Variants in FGGY observed in about 807,000 individuals in gnomAD.
FGGY encodes the protein FGGY carbohydrate kinase domain-containing protein.
A neutral mutation model predicts 71.3 loss-of-function variants in FGGY; 72 were observed. The observed-to-expected ratio is 1.01, with a 90% CI of 0.84 to 1.23. The LOEUF is 1.23. Among genes scored for constraint, FGGY ranks in the 50% most tolerant of loss-of-function variants. FGGY has a pLI of 0.00. For missense variants in FGGY, 668 were observed against 682.3 expected (o/e 0.98, Z 0.23); for synonymous variants, 251 against 250.3 (o/e 1.00, Z -0.02).
intron 7 of FGGY, among the ~76,000 whole-genome samples, chr1:59,533,763 T>A (rs1260179232): frequency 6.6e-6 from 1 of 152,118 alleles, no homozygotes. Context: ...GACCTGCAGC[T>A]GAGGGTCCTG....
At chr1:59,597,157 G>A (rs2096532652) in intron 8 of FGGY, among the ~76,000 whole-genome samples, 1 of 152,170 alleles carries the variant, frequency 6.6e-6, no homozygotes, top group South Asian at 2.1e-4. Context: ...GATTCTTCAG[G>A]TCTAGACTTG....
intron 6 of FGGY, among the ~76,000 whole-genome samples, chr1:59,463,386 A>G (rs1279110459): frequency 1.3e-5 from 2 of 152,326 alleles, no homozygotes; most frequent in Non-Finnish European, 2.9e-5. Flanking sequence ...AGGAACAACC[A>G]GTACCAGCCA....
At chr1:59,355,498 G>T (rs911032335) in intron 4 of FGGY, among the ~76,000 whole-genome samples, 1 of 151,970 alleles carries the variant, frequency 6.6e-6, no homozygotes, top group South Asian at 2.1e-4. Context: ...TTCAAAGCTT[G>T]TAGTCATAGC....
At chr1:59,657,865 G>C (rs2097235803) in intron 11 of FGGY, among the ~76,000 whole-genome samples, 1 of 152,190 alleles carries the variant, frequency 6.6e-6, no homozygotes, top group South Asian at 2.1e-4. Context: ...CATGGAGCAA[G>C]TAACTAAAAG....
At chr1:59,482,251 T>A (rs1356465462) in intron 6 of FGGY, among the ~76,000 whole-genome samples, 1 of 152,150 alleles carries the variant, frequency 6.6e-6, no homozygotes, top group Non-Finnish European at 1.5e-5. Flanking sequence ...AGTCCTCTTT[T>A]AGTGGCTTAG....
chr1:59,542,032 G>C (rs1006348312), intron 7 of FGGY, among the ~76,000 whole-genome samples: 1 of 152,236 alleles, frequency 6.6e-6, no homozygotes, highest in Non-Finnish European at 1.5e-5. Flanking sequence ...GATGATAACA[G>C]CTAAGCCATT....
At chr1:59,551,240 G>A (rs1488808672) in intron 7 of FGGY, among the ~76,000 whole-genome samples, 4 of 152,142 alleles carry the variant, frequency 2.6e-5, no homozygotes, top group Non-Finnish European at 5.9e-5. Flanking sequence ...AGATCCTTCT[G>A]TCTCCAAATT....
chr1:59,667,329 C>G lies in FGGY; in HGVS notation c.1343C>G (p.Ser448Ter), dbSNP rs1288440386. The G allele has an allele frequency of 6.2e-7, 1 of 1,614,162 alleles. No homozygotes were observed. Among genetic ancestry groups the G allele is most frequent in the African/African-American group, 1.3e-5 (1 of 75,050 alleles). The change falls in exon 13 of 16, where the codon TCA becomes TGA. Residue 448 changes from serine (S) to a stop codon, truncating the protein, a stop_gained. Coordinates refer to ENST00000303721, the MANE Select transcript of FGGY (RefSeq NM_018291.5). LOFTEE classifies it high-confidence loss of function. ...IIEAMEAAGHSISTLFLCGGL... is the reference protein window; with the variant it reads ...IIEAMEAAGH ...GAAGCCATGGAGGCAGCAGGGCACT[C>G]AATCAGTACTCTTTTCCTATGTGGA...
chr1:59,457,020 GT>G lies in FGGY; in HGVS notation c.617del (p.Phe206SerfsTer4). The G allele has an allele frequency of 6.2e-7, 1 of 1,614,136 alleles. No individual in the cohort carries two copies. The highest frequency in any genetic ancestry group is 8.5e-7 in the Non-Finnish European group (1 of 1,179,998). On this transcript the variant is annotated frameshift_variant, in exon 6 of 16. Coordinates refer to ENST00000303721, the MANE Select transcript of FGGY (RefSeq NM_018291.5). LOFTEE classifies it high-confidence loss of function. Reference sequence around the variant, plus strand: ...TCAGCAGAGAAAGGCTGGGACGACAGTTTCTGGAAAATGATTGGTTTGGAAG... The same window carrying G: ...TCAGCAGAGAAAGGCTGGGACGACAGTTCTGGAAAATGATTGGTTTGGAAG... ...TYSAEKGWDD[S>X]FWKMIGLEDF...
At chr1:59,454,639 C>A (rs1236641121) in intron 5 of FGGY, among the ~76,000 whole-genome samples, 28 of 152,190 alleles carry the variant, frequency 1.8e-4, no homozygotes, top group Admixed American at 1.8e-3. Flanking sequence ...TTGATATTTC[C>A]TCCCTGTCTC....
At chr1:59,625,902 A>T in intron 9 of FGGY, 86 bp from the exon 10 acceptor site, 1 of 1,010,540 alleles carries the variant, frequency 9.9e-7, no homozygotes, top group Non-Finnish European at 1.4e-6. Context: ...GTTGAAAGAA[A>T]CATATACTCA....
chr1:59,611,012 T>C (rs1020187990), intron 9 of FGGY, among the ~76,000 whole-genome samples: 2 of 152,202 alleles, frequency 1.3e-5, no homozygotes, highest in Non-Finnish European at 2.9e-5. Flanking sequence ...CAAAGTGGCC[T>C]GGAAGCTCTA....
chr1:59,404,965 C>G (rs565482612), intron 5 of FGGY, among the ~76,000 whole-genome samples: 1 of 152,142 alleles, frequency 6.6e-6, no homozygotes, highest in South Asian at 2.1e-4. Context: ...AAATGCAACA[C>G]GTGATGATGA....
intron 3 of FGGY, 66 bp from the exon 4 acceptor site, chr1:59,346,181 A>G: frequency 6.3e-7 from 1 of 1,582,528 alleles, no homozygotes. Context: ...GGAATCCATA[A>G]TTGTTCCCTT....
intron 7 of FGGY, among the ~76,000 whole-genome samples, chr1:59,536,332 A>T (rs992396312): frequency 4.6e-5 from 7 of 152,230 alleles, no homozygotes; most frequent in Admixed American, 3.9e-4. Flanking sequence ...TTGTGTCAAT[A>T]ATCAATAGCT....
At chr1:59,560,654 C>A (rs961566167) in intron 8 of FGGY, among the ~76,000 whole-genome samples, 6 of 151,724 alleles carry the variant, frequency 4.0e-5, no homozygotes, top group Non-Finnish European at 7.4e-5. Context: ...ATTTACCTGG[C>A]TAAGTGCTAA....
intron 11 of FGGY, among the ~76,000 whole-genome samples, chr1:59,649,931 A>G (rs1429167447): frequency 6.9e-6 from 1 of 144,466 alleles, no homozygotes; most frequent in Admixed American, 6.7e-5. Context: ...TCCCATCAAT[A>G]CCTAATTTCT....
intron 10 of FGGY, among the ~76,000 whole-genome samples, chr1:59,631,532 T>G (rs1015129338): frequency 1.3e-5 from 2 of 152,206 alleles, no homozygotes; most frequent in African/African-American, 4.8e-5. Context: ...CATAGCTGTT[T>G]TTGAAATGAA....
At chr1:59,529,109 T>G (rs553959371) in intron 7 of FGGY, among the ~76,000 whole-genome samples, 1 of 152,212 alleles carries the variant, frequency 6.6e-6, no homozygotes, top group Non-Finnish European at 1.5e-5. Flanking sequence ...CATGAATGAA[T>G]ACATGCGTGA....
Sources: gnomAD v4.1 joint callset for allele counts (sites outside exome capture counted in the v4.1 genomes callset) on GRCh38, gnomAD v4.1.1 for gene constraint, MANE v1.5 for transcripts, NCBI Gene and HGNC (gene_info 2026-07-23, HGNC 2026-07-21) for gene names.